Variants in UBE2V2 observed in about 807,000 individuals in gnomAD.
UBE2V2 encodes ubiquitin-conjugating enzyme E2 variant 2.
UBE2V2 carries 9 observed loss-of-function variants against 17.2 expected under a neutral mutation model. The ratio of observed to expected loss-of-function variants is 0.52; its 90% CI spans 0.32 to 0.91. The LOEUF (loss-of-function observed/expected upper bound fraction) is 0.91, where lower values mean the gene tolerates loss of function less well. UBE2V2 is among the 40% of genes least tolerant of loss of function. UBE2V2 has a pLI of 0.04. For synonymous variants in UBE2V2, 61 were observed against 57.5 expected, an observed-to-expected ratio of 1.06 and a Z score of -0.28; for missense variants, 133 against 182.6, an observed-to-expected ratio of 0.73 and a Z score of 1.56.
rs2154508461 is a variant in UBE2V2, at chr8:48,064,303, T to A, written c.*3475T>A. On this transcript the variant is annotated 3_prime_UTR_variant, in exon 4 of 4. Coordinates refer to ENST00000523111, the MANE Select transcript of UBE2V2 (RefSeq NM_003350.3). ...ATCAAAATGATTTTCCAGTACCAAC[T>A]TGACTGGCTTTTAATTATTGTCACA... is the stretch of plus-strand genomic sequence containing the variant. The A allele has an allele frequency of 1.3e-5, 2 of 152,276 alleles. No individual in the cohort carries two copies. Among genetic ancestry groups the A allele is most frequent in the South Asian group, 4.1e-4 (2 of 4,828 alleles). 9.4% of individuals were successfully genotyped at this position (152,276 alleles called of 1,614,324 possible). A position where few individuals can be genotyped will look rare whatever the true frequency, so the allele number is the denominator to read the frequency against.
intron 1 of UBE2V2, among the ~76,000 whole-genome samples, chr8:48,036,788 G>A (rs1167063622): frequency 6.6e-6 from 1 of 152,058 alleles, no homozygotes; most frequent in Admixed American, 6.6e-5. Context: ...CATATTTTGT[G>A]GGGGTACATG....
At chr8:48,052,887 C>T (rs2091548309) in intron 3 of UBE2V2, among the ~76,000 whole-genome samples, 1 of 152,118 alleles carries the variant, frequency 6.6e-6, no homozygotes, top group Admixed American at 6.6e-5. Flanking sequence ...TCCTATGGGT[C>T]CTTCATTTCT....
rs373067339 is a variant in UBE2V2 at position 48,045,863 on chromosome 8, TTC to T, written c.165+2685_165+2686del. Among the ~76,000 whole-genome samples the T allele has an allele frequency of 3.8e-3, 576 of 152,326 alleles. 4 individuals carry two copies. Among genetic ancestry groups the T allele is most frequent in the South Asian group, 0.024 (118 of 4,826 alleles). On this transcript the variant is annotated intron_variant, in intron 2 of 3. Transcript: ENST00000523111. ...GAGTTGGTATCTTACCACAGTTGTTTTCTCCTTAGAAGGTGCAATGTTGAGAA... is the reference window on the plus strand; with the variant it reads ...GAGTTGGTATCTTACCACAGTTGTTTTCCTTAGAAGGTGCAATGTTGAGAA...
At chr8:48,047,040 C>G (rs1460068039) in intron 2 of UBE2V2, among the ~76,000 whole-genome samples, 1 of 151,398 alleles carries the variant, frequency 6.6e-6, no homozygotes, top group African/African-American at 2.4e-5. Flanking sequence ...CTCCCAGGTT[C>G]AAGTGATTCT....
chr8:48,016,332 A>T (rs1412567512), intron 1 of UBE2V2, among the ~76,000 whole-genome samples: 1 of 152,198 alleles, frequency 6.6e-6, no homozygotes, highest in Non-Finnish European at 1.5e-5. Context: ...ATGCAGTAGC[A>T]GGATTACTGG....
At chr8:48,011,803 A>G (rs2091234079) in intron 1 of UBE2V2, among the ~76,000 whole-genome samples, 1 of 152,094 alleles carries the variant, frequency 6.6e-6, no homozygotes, top group Non-Finnish European at 1.5e-5. Flanking sequence ...ACAGGCACGC[A>G]TTGCCACACC....
intron 3 of UBE2V2, among the ~76,000 whole-genome samples, chr8:48,060,146 G>C (rs1195051263): frequency 1.4e-5 from 2 of 141,294 alleles, no homozygotes; most frequent in African/African-American, 5.4e-5. Context: ...GGAGGCGGAA[G>C]TTGCAGTGAG....
intron 1 of UBE2V2, among the ~76,000 whole-genome samples, chr8:48,011,898 C>T (rs2091234569): frequency 6.6e-6 from 1 of 152,174 alleles, no homozygotes; most frequent in Non-Finnish European, 1.5e-5. Flanking sequence ...AGTGACCCTC[C>T]TGCCCTGGCC....
At chr8:48,056,708 C>T (rs899522373) in intron 3 of UBE2V2, among the ~76,000 whole-genome samples, 4 of 151,350 alleles carry the variant, frequency 2.6e-5, no homozygotes, top group South Asian at 2.1e-4. Context: ...TCTGGACTAC[C>T]GTAGCTTTGT....
At chr8:47,998,281 G>C in the UBE2V2 span, among the ~76,000 whole-genome samples, 2 of 151,992 alleles carry the variant, frequency 1.3e-5, no homozygotes, top group East Asian at 3.9e-4. Context: ...AGAAGGAGCA[G>C]ACTGAAAGGC....
the UBE2V2 span, among the ~76,000 whole-genome samples, chr8:48,000,885 A>AGGAAGAC: frequency 6.7e-6 from 1 of 149,080 alleles, no homozygotes; most frequent in East Asian, 2.0e-4. Context: ...CATGTAGAAG[A>AGGAAGAC]GGAAGACTCA....
intron 1 of UBE2V2, chr8:48,035,167 G>T (rs969356748): frequency 3.1e-5 from 30 of 952,502 alleles, no homozygotes; most frequent in Middle Eastern, 5.6e-4. Flanking sequence ...CGAGGCTGTA[G>T]TGCAGTGGCA....
intron 1 of UBE2V2, among the ~76,000 whole-genome samples, chr8:48,030,927 C>T (rs2091378085): frequency 6.6e-6 from 1 of 151,760 alleles, no homozygotes; most frequent in Admixed American, 6.6e-5. Flanking sequence ...GAGGCTGAGG[C>T]GGGAGAATCT....
chr8:48,059,676 G>C (rs1288618329), intron 3 of UBE2V2, among the ~76,000 whole-genome samples: 2 of 152,126 alleles, frequency 1.3e-5, no homozygotes, highest in Non-Finnish European at 2.9e-5. Context: ...CTCCCAAAAC[G>C]TTGGGATTAC....
At chr8:48,027,464 T>C (rs963848522) in intron 1 of UBE2V2, among the ~76,000 whole-genome samples, 5 of 152,198 alleles carry the variant, frequency 3.3e-5, no homozygotes, top group Non-Finnish European at 7.3e-5. Flanking sequence ...TAACTAGTGT[T>C]ATTGAGTATC....
rs888677692 is a variant in UBE2V2 at position 48,063,054 on chromosome 8, C to T, written c.*2226C>T. ...TATTATACATGGAAGCTAGTAACTA[C>T]GTGAATGCTGTTGGCAGGATGAGGG... On this transcript the variant is annotated 3_prime_UTR_variant, in exon 4 of 4. Coordinates refer to ENST00000523111, the MANE Select transcript of UBE2V2 (RefSeq NM_003350.3). 3 of 152,210 alleles carry T rather than the reference C, an allele frequency of 2.0e-5. No homozygotes were observed. The highest frequency in any genetic ancestry group is 1.9e-4 in the East Asian group (1 of 5,204). 9.4% of individuals were successfully genotyped at this position (152,210 alleles called of 1,614,324 possible).
At chr8:48,005,022 C>CTTT (rs111769503), upstream of UBE2V2, among the ~76,000 whole-genome samples, 3 of 138,232 alleles carry the variant, frequency 2.2e-5, no homozygotes, top group African/African-American at 8.2e-5. Context: ...ACTTTTTCTC[C>CTTT]TTTTTTTTTT....
chr8:48,010,221 G>A (rs993459026), intron 1 of UBE2V2, among the ~76,000 whole-genome samples: 2 of 151,020 alleles, frequency 1.3e-5, no homozygotes, highest in Admixed American at 6.6e-5. Context: ...TTAGCATATT[G>A]TACATAGGGA....
intron 1 of UBE2V2, among the ~76,000 whole-genome samples, chr8:48,010,790 C>G (rs1439390049): frequency 2.0e-5 from 3 of 150,784 alleles, no homozygotes; most frequent in African/African-American, 7.3e-5. Flanking sequence ...TTCCACCTCC[C>G]TGGTTCAAGC....
Sources: allele counts gnomAD v4.1 joint callset (sites outside exome capture counted in the v4.1 genomes callset), GRCh38; gene constraint gnomAD v4.1.1; transcripts MANE v1.5; gene names NCBI Gene and HGNC (gene_info 2026-07-23, HGNC 2026-07-21).